Variants in GIT1 observed in about 807,000 individuals in gnomAD.
GIT1 encodes GIT ArfGAP 1.
GIT1 carries 14 observed loss-of-function variants against 91.7 expected under a neutral mutation model. That is an observed-to-expected ratio of 0.15 (90% CI 0.10 to 0.24). The LOEUF is 0.24. GIT1 is among the 10% of genes least tolerant of loss of function. The pLI, the probability that GIT1 is intolerant of heterozygous loss-of-function variation, is 1.00. For synonymous variants in GIT1, 414 were observed against 418.2 expected (o/e 0.99, Z 0.12); for missense variants, 717 against 1,024.9 (o/e 0.70, Z 4.10).
intron 7 of GIT1, chr17:29,579,278 T>G (rs1027315236): frequency 4.1e-6 from 2 of 489,456 alleles, no homozygotes; most frequent in African/African-American, 3.8e-5. Context: ...CTCAATCACC[T>G]GTTGCCTGGG....
At position 29,575,260 on chromosome 17, in the gene GIT1, C is replaced by G. The variant is rs2033149214; in HGVS notation, c.2009+28G>C. The G allele has an allele frequency of 6.3e-7, 1 of 1,589,084 alleles. No individual in the cohort carries two copies. The highest frequency in any genetic ancestry group is 1.3e-5 in the African/African-American group (1 of 74,342). ...CCCTAGAAGCCAACAGGAACTGCAT[C>G]CCCCTCACCTCCCCCTCCACTCAGT... is the stretch of plus-strand genomic sequence containing the variant. On this transcript the variant is annotated intron_variant, in intron 18 of 19. Transcript: ENST00000225394. This position sits in a 1 kb window ranked among gnomAD's most constrained non-coding sequence, Gnocchi z 5.5.
chr17:29,582,570 T>C (rs2033437970), intron 4 of GIT1, 128 bp downstream of exon 4: 1 of 672,848 alleles, frequency 1.5e-6, no homozygotes, highest in East Asian at 2.7e-5. Context: ...CTCCACCCTG[T>C]CTACTGTTAC....
At chr17:29,584,263 T>TGCAA (rs2033506603) in intron 1 of GIT1, among the ~76,000 whole-genome samples, 4 of 152,252 alleles carry the variant, frequency 2.6e-5, no homozygotes, top group African/African-American at 9.6e-5. Flanking sequence ...ACATGCTACC[T>TGCAA]CTGTGATGAA....
In GIT1 at chr17:29,575,444, A is replaced by C; in HGVS notation, c.1853T>G (p.Leu618Arg). 1 of 1,610,486 alleles carries C rather than the reference A, an allele frequency of 6.2e-7. No homozygotes were observed. The highest frequency in any genetic ancestry group is 8.5e-7 in the Non-Finnish European group (1 of 1,178,420). ...TGGGTGGAAGTCTTCCTCTTTGCCC[A>C]GCTCTAGAAACCTCTTCCCTTCCAG... ...LGLEGKRFLE[L>R]GKEEDFHPEL... Residue 618 changes from leucine to arginine, a missense_variant, in exon 18 of 20, where the codon CTG becomes CGG. Coordinates refer to ENST00000225394, the MANE Select transcript of GIT1 (RefSeq NM_014030.4). The surrounding 1 kb of genome is among the most constrained non-coding windows in gnomAD (Gnocchi z 5.5).
chr17:29,577,106 T>C (rs373880201), intron 11 of GIT1, 30 bp downstream of exon 11: 292 of 1,608,528 alleles, frequency 1.8e-4, no homozygotes, highest in Admixed American at 3.3e-4. Context: ...CCCCGCCTGC[T>C]TCCCACACCC....
intron 7 of GIT1, among the ~76,000 whole-genome samples, chr17:29,580,443 A>T (rs2033358821): frequency 6.6e-6 from 1 of 152,220 alleles, no homozygotes; most frequent in African/African-American, 2.4e-5. Flanking sequence ...GATCCAGGCC[A>T]GCAGGCACAG....
At position 29,583,542 on chromosome 17, in the gene GIT1, G is replaced by A. The variant is rs751739476; in HGVS notation, c.127C>T (p.Arg43Cys). Residue 43 changes from arginine (R) to cysteine (C), a missense_variant, in exon 2 of 20, where the codon CGC becomes TGC. Coordinates refer to ENST00000225394, the MANE Select transcript of GIT1 (RefSeq NM_014030.4). ...AGGTGCTTGACAATGGAGATGTGGCGTCCCAGGCTCCGGTGCACGCTGCAG... is the reference window on the plus strand; with the variant it reads ...AGGTGCTTGACAATGGAGATGTGGCATCCCAGGCTCCGGTGCACGCTGCAG... ...ECCSVHRSLG[R>C]HISIVKHLRH... 7.4e-6 allele frequency: 12 copies of A among 1,612,122 alleles called. No individual in the cohort carries two copies. Among genetic ancestry groups the A allele is most frequent in the African/African-American group, 2.7e-5 (2 of 75,012 alleles).
At chr17:29,582,274 G>C in intron 4 of GIT1, 130 bp from the exon 5 acceptor site, 2 of 669,926 alleles carry the variant, frequency 3.0e-6, no homozygotes, top group South Asian at 1.8e-5. Context: ...AGACTATGTC[G>C]GGAGGACAGA....
At position 29,575,869 on chromosome 17, in the gene GIT1, C is replaced by T; in HGVS notation, c.1695G>A (p.Val565=). 1 of 1,611,234 alleles carries T rather than the reference C, an allele frequency of 6.2e-7. No individual in the cohort carries two copies. The highest frequency in any genetic ancestry group is 8.5e-7 in the Non-Finnish European group (1 of 1,178,772). ...RIRKGVSASA[V]PFTPSSPLLS... ...GCAGCGGGGAGGAGGGAGTGAAGGG[C>T]ACAGCTGAGGCAGACACCCCTTTCC... The change falls in exon 16 of 20, where the codon GTG becomes GTA. Residue 565 remains valine (V), a synonymous_variant. Coordinates refer to ENST00000225394, the MANE Select transcript of GIT1 (RefSeq NM_014030.4). This position sits in a 1 kb window ranked among gnomAD's most constrained non-coding sequence, Gnocchi z 5.5.
At chr17:29,578,395 T>C (rs2033286221) in intron 8 of GIT1, 24 bp from the exon 9 acceptor site, 3 of 1,609,000 alleles carry the variant, frequency 1.9e-6, no homozygotes, top group Non-Finnish European at 2.6e-6. Flanking sequence ...GGGGCCCAGA[T>C]GTTGTCAGAT....
In GIT1 at chr17:29,589,365, C is replaced by A. The variant is rs2033727821; in HGVS notation, c.14G>T (p.Gly5Val). ...GTCCGCACACACCTCCGCTCGCGGC[C>A]CCTTTCGGGACATCCTCAGCGGCGA... MSRK[G>V]PRAEVCADCS... is the part of the protein sequence containing the mutation. The change falls in exon 1 of 20, where the codon GGG (glycine) becomes GTG (valine). Residue 5 changes from glycine (G) to valine (V), a missense_variant. Gly to Val is a moderately radical substitution (Grantham distance 109). Transcript: ENST00000225394. The surrounding 1 kb of genome is among the most constrained non-coding windows in gnomAD (Gnocchi z 5.2). 1 of 1,083,328 alleles carries A rather than the reference C, an allele frequency of 9.2e-7. No individual in the cohort carries two copies. The highest frequency in any genetic ancestry group is 1.1e-6 in the Non-Finnish European group (1 of 882,656). The allele number at this position is 1,083,328 out of a possible 1,614,324, so 67.1% of individuals were successfully genotyped here.
At chr17:29,584,162 G>C (rs1013398187) in intron 1 of GIT1, among the ~76,000 whole-genome samples, 7 of 152,246 alleles carry the variant, frequency 4.6e-5, no homozygotes, top group African/African-American at 1.7e-4. Context: ...AAGATGGACA[G>C]AGCAAAGGAG....
intron 1 of GIT1, among the ~76,000 whole-genome samples, chr17:29,584,683 G>T (rs541477021): frequency 4.6e-5 from 7 of 152,330 alleles, no homozygotes; most frequent in Non-Finnish European, 7.3e-5. Context: ...GTCCTGGGGT[G>T]GGGGTGGGGG....
rs950993922 is a variant in GIT1, at chr17:29,589,083, G to C, written c.52+244C>G. 6.6e-6 allele frequency among the ~76,000 whole-genome samples: 1 copy of C among 152,108 alleles called. No individual in the cohort carries two copies. The stretch of plus-strand genomic sequence containing the variant: ...GCCCGCCTCCCTCAGACCGAGGAGC[G>C]GGAGGCGGCGCCGGGAACGTCCTTC... On this transcript the variant is annotated intron_variant, in intron 1 of 19. Transcript: ENST00000225394. This position sits in a 1 kb window ranked among gnomAD's most constrained non-coding sequence, Gnocchi z 5.2.
At chr17:29,584,756 G>A (rs920573835) in intron 1 of GIT1, among the ~76,000 whole-genome samples, 2 of 152,162 alleles carry the variant, frequency 1.3e-5, no homozygotes, top group South Asian at 2.1e-4. Context: ...TCAGGGGAGG[G>A]ACAGGCTTAG....
chr17:29,577,557 G>T, intron 10 of GIT1, 88 bp downstream of exon 10: 2 of 876,540 alleles, frequency 2.3e-6, no homozygotes, highest in Non-Finnish European at 1.9e-6. Context: ...ATGCTGGAGA[G>T]CTGGCTCAGG....
In GIT1 at chr17:29,589,304, G is replaced by T; in HGVS notation, c.52+23C>A. On this transcript the variant is annotated intron_variant, in intron 1 of 19. Coordinates refer to ENST00000225394, the MANE Select transcript of GIT1 (RefSeq NM_014030.4). The surrounding 1 kb of genome is among the most constrained non-coding windows in gnomAD (Gnocchi z 5.2). The stretch of plus-strand genomic sequence containing the variant: ...GGCGGCGGCCTGGCTGTGCGGTCCC[G>T]CCCCCGGCCCCGCCGCGCTTACCCG... 1 of 1,006,340 alleles carries T rather than the reference G, an allele frequency of 9.9e-7. No homozygotes were observed. The highest frequency in any genetic ancestry group is 1.2e-6 in the Non-Finnish European group (1 of 842,950). 62.3% of individuals were successfully genotyped at this position (1,006,340 alleles called of 1,614,324 possible).
intron 1 of GIT1, chr17:29,583,959 C>T: frequency 3.2e-6 from 1 of 309,834 alleles, no homozygotes; most frequent in Non-Finnish European, 6.0e-6. Flanking sequence ...CCCAGCCCGT[C>T]CCGAAGGGAG....
intron 1 of GIT1, among the ~76,000 whole-genome samples, chr17:29,586,456 G>C (rs986180636): frequency 1.3e-5 from 2 of 152,170 alleles, no homozygotes; most frequent in African/African-American, 4.8e-5. Flanking sequence ...AACATGATCA[G>C]AGCAGTAGTT....
Sources: allele counts gnomAD v4.1 joint callset (sites outside exome capture counted in the v4.1 genomes callset), GRCh38; gene constraint gnomAD v4.1.1; non-coding constraint Gnocchi (gnomAD v3.1); transcripts MANE v1.5; gene names NCBI Gene and HGNC (gene_info 2026-07-23, HGNC 2026-07-21).